Variants in PVALB observed in about 807,000 individuals in gnomAD.
PVALB encodes the protein parvalbumin.
In PVALB, 11 loss-of-function variants were observed where a neutral mutation model predicts 10.9. The observed-to-expected ratio is 1.01, with a 90% CI of 0.63 to 1.67. PVALB has a LOEUF of 1.67. PVALB is among the 40% of genes most tolerant of loss of function. PVALB has a pLI of 0.00. For synonymous variants in PVALB, 57 were observed against 50.7 expected (o/e 1.12, Z -0.53); for missense variants, 131 against 136.2 (o/e 0.96, Z 0.19).
At chr22:36,817,976 C>T (rs1466804847), upstream of PVALB, among the ~76,000 whole-genome samples, 1 of 152,076 alleles carries the variant, frequency 6.6e-6, no homozygotes, top group Non-Finnish European at 1.5e-5. Flanking sequence ...GTGTAGGGGT[C>T]TGAACTTCAC....
At chr22:36,801,038 C>CAAGAA in intron 3 of PVALB, 120 bp from the exon 4 acceptor site, 1 of 911,866 alleles carries the variant, frequency 1.1e-6, no homozygotes, top group Non-Finnish European at 1.8e-6. Flanking sequence ...GCTGCAGCAG[C>CAAGAA]CCCAGAGCGT....
chr22:36,807,911 G>A (rs2145948431), intron 3 of PVALB, among the ~76,000 whole-genome samples: 1 of 152,332 alleles, frequency 6.6e-6, no homozygotes, highest in South Asian at 2.1e-4. Context: ...CGAGTGAGTG[G>A]CAAGGGGTGG....
rs752581550 is a variant in PVALB, at chr22:36,815,108, C to A, written c.189G>T (p.Glu63Asp). ...KDKSGFIEED[E>D]LGFILKGFSP... ...CCCTGCAGGCCTCCGCTTACCCCAG[C>A]TCATCCTCCTCGATGAAGCCACTTT... is the stretch of plus-strand genomic sequence containing the variant. The change falls in exon 2 of 4, where the codon GAG becomes GAT. Residue 63 changes from glutamate (E) to aspartate (D), a missense_variant. Coordinates refer to ENST00000417718, the MANE Select transcript of PVALB (RefSeq NM_001315532.2). 1 of 1,614,146 alleles carries A rather than the reference C, an allele frequency of 6.2e-7. No homozygotes were observed. The highest frequency in any genetic ancestry group is 2.2e-5 in the East Asian group (1 of 44,878).
intron 1 of PVALB, among the ~76,000 whole-genome samples, chr22:36,815,639 G>A (rs1484204874): frequency 6.6e-6 from 1 of 152,180 alleles, no homozygotes; most frequent in East Asian, 1.9e-4. Flanking sequence ...ACATGGTCCT[G>A]GGGTTAGGGG....
At chr22:36,807,475 T>C (rs1938970117) in intron 3 of PVALB, among the ~76,000 whole-genome samples, 1 of 152,324 alleles carries the variant, frequency 6.6e-6, no homozygotes, top group Admixed American at 6.5e-5. Flanking sequence ...AAATTCTCCT[T>C]CTATCTCTCT....
Position 36,807,619 on chromosome 22 carries a change from T to C in PVALB, c.304+6027A>G, listed in dbSNP as rs150637222. ...AGGAAAGGAATCATTTCTAGAACAT[T>C]CTCTTCATTCGAGCAACAGCCCTGT... On this transcript the variant is annotated intron_variant, in intron 3 of 3. Coordinates refer to ENST00000417718, the MANE Select transcript of PVALB (RefSeq NM_001315532.2). 2.7e-3 allele frequency among the ~76,000 whole-genome samples: 406 copies of C among 152,264 alleles called. 2 individuals carry two copies. Among genetic ancestry groups the C allele is most frequent in the African/African-American group, 9.3e-3 (386 of 41,548 alleles).
chr22:36,816,730 G>C (rs1001102706), intron 1 of PVALB, among the ~76,000 whole-genome samples: 3 of 152,188 alleles, frequency 2.0e-5, no homozygotes, highest in Non-Finnish European at 4.4e-5. Flanking sequence ...CTTAGGCGGG[G>C]CGCCCTCTTC....
upstream of PVALB, chr22:36,817,559 A>G: frequency 6.5e-6 from 1 of 152,794 alleles, no homozygotes; most frequent in Non-Finnish European, 1.5e-5. Flanking sequence ...GCAAAATCTG[A>G]GCGCTGAGGT....
chr22:36,801,021 T>C (rs1163720324), intron 3 of PVALB, 103 bp from the exon 4 acceptor site: 2 of 1,115,650 alleles, frequency 1.8e-6, no homozygotes, highest in Non-Finnish European at 2.7e-6. Flanking sequence ...TCTGGGTTCT[T>C]GCTTCTGCTG....
intron 3 of PVALB, among the ~76,000 whole-genome samples, chr22:36,809,815 G>T (rs906341502): frequency 4.7e-5 from 7 of 148,458 alleles, no homozygotes; most frequent in Non-Finnish European, 1.0e-4. Flanking sequence ...GGGCTGGAAC[G>T]CACCCCAGTA....
intron 3 of PVALB, among the ~76,000 whole-genome samples, chr22:36,806,620 T>C (rs1371535656): frequency 1.3e-5 from 2 of 152,046 alleles, no homozygotes; most frequent in Non-Finnish European, 2.9e-5. Context: ...GGGCTCGGTT[T>C]CTTATAAATT....
At chr22:36,817,801 C>T (rs996641204), upstream of PVALB, among the ~76,000 whole-genome samples, 1 of 152,124 alleles carries the variant, frequency 6.6e-6, no homozygotes, top group African/African-American at 2.4e-5. Context: ...TCTCCTGGGT[C>T]CTGGCATCAT....
intron 2 of PVALB, among the ~76,000 whole-genome samples, chr22:36,814,698 TG>T (rs1439805766): frequency 2.0e-5 from 3 of 152,162 alleles, no homozygotes; most frequent in Admixed American, 2.0e-4. Flanking sequence ...ACCAGAGGGC[TG>T]GGGGCTGCAG....
In PVALB at chr22:36,814,671, G is replaced by A. The variant is rs532878290; in HGVS notation, c.194+432C>T. Among the ~76,000 whole-genome samples, 22 of 152,260 alleles carry A rather than the reference G, an allele frequency of 1.4e-4. 1 individual carries two copies. In the South Asian group the frequency reaches 4.1e-3, roughly 29 times the overall value. ...TGCATCCCTGGCTTGCCTAGAAATT[G>A]CACCAGCCACACTAGTACCAGAGGG... On this transcript the variant is annotated intron_variant, in intron 2 of 3. Coordinates refer to ENST00000417718, the MANE Select transcript of PVALB (RefSeq NM_001315532.2).
rs574320887 is a variant in PVALB, at chr22:36,800,803, T to C, written c.*87A>G. 32 of 1,433,194 alleles carry C rather than the reference T, an allele frequency of 2.2e-5. No homozygotes were observed. The East Asian group carries it at 3.9e-4, about 17-fold the overall frequency. The allele number at this position is 1,433,194 out of a possible 1,614,324, so 88.8% of individuals were successfully genotyped here. A position where few individuals can be genotyped will look rare whatever the true frequency, so the allele number is the denominator to read the frequency against. On this transcript the variant is annotated 3_prime_UTR_variant, in exon 4 of 4. Coordinates refer to ENST00000417718, the MANE Select transcript of PVALB (RefSeq NM_001315532.2). ...GGAGTAAAAAATAACATAAACGAAC[T>C]GAACAGAAATGCAGGAGGGTGGCGA... is the stretch of plus-strand genomic sequence containing the variant.
upstream of PVALB, chr22:36,817,173 G>T: frequency 1.9e-6 from 1 of 514,036 alleles, no homozygotes; most frequent in Non-Finnish European, 3.1e-6. Context: ...GAGCGGCTCA[G>T]TCCAGCCGCG....
chr22:36,803,673 GTGGA>G (rs535685267), intron 3 of PVALB, among the ~76,000 whole-genome samples: 6,020 of 119,838 alleles, frequency 0.05, 195 homozygotes, highest in Non-Finnish European at 0.068. Context: ...GGGTGGGTGG[GTGGA>G]TGGATGGATG....
chr22:36,803,653 A>G (rs1938905068), intron 3 of PVALB, among the ~76,000 whole-genome samples: 1 of 126,482 alleles, frequency 7.9e-6, no homozygotes, highest in Admixed American at 8.8e-5. Flanking sequence ...AGAAAGATGA[A>G]TGGATGGATG....
chr22:36,810,920 G>A (rs1939036158), intron 3 of PVALB, among the ~76,000 whole-genome samples: 1 of 152,198 alleles, frequency 6.6e-6, no homozygotes, highest in Non-Finnish European at 1.5e-5. Flanking sequence ...TCTGCCTCTG[G>A]CTGGCACTAT....
Sources: allele counts gnomAD v4.1 joint callset (sites outside exome capture counted in the v4.1 genomes callset), GRCh38; gene constraint gnomAD v4.1.1; transcripts MANE v1.5; gene names NCBI Gene and HGNC (gene_info 2026-07-23, HGNC 2026-07-21).